CLXN: variants seen among roughly 807,000 people sequenced by gnomAD.
CLXN encodes calaxin.
At chr8:48,726,253 C>A in the CLXN span, among the ~76,000 whole-genome samples, 3 of 145,772 alleles carry the variant, frequency 2.1e-5, no homozygotes, top group Admixed American at 6.7e-5. Flanking sequence ...TCCATCCAAC[C>A]ATCCATCATC....
At chr8:48,726,153 TCCAC>T in the CLXN span, among the ~76,000 whole-genome samples, 58 of 58,062 alleles carry the variant, frequency 1.0e-3, no homozygotes, top group Non-Finnish European at 8.5e-4. Flanking sequence ...CATCCATCCA[TCCAC>T]CCACCCACCC....
chr8:48,719,709 GT>G, the CLXN span, among the ~76,000 whole-genome samples: 2 of 152,122 alleles, frequency 1.3e-5, no homozygotes, highest in Non-Finnish European at 2.9e-5. Flanking sequence ...ATTTAACAAA[GT>G]TCACCAACCA....
the CLXN span, chr8:48,730,792 A>G: frequency 2.1e-6 from 1 of 467,966 alleles, no homozygotes; most frequent in East Asian, 3.4e-5. Context: ...GGAAACTAAG[A>G]CATCATAATA....
the CLXN span, chr8:48,716,590 C>T: frequency 3.3e-5 from 5 of 152,184 alleles, no homozygotes; most frequent in Non-Finnish European, 5.9e-5. Flanking sequence ...GTGAACAAAA[C>T]TAGAAGTTCA....
the CLXN span, among the ~76,000 whole-genome samples, chr8:48,719,753 A>C: frequency 6.6e-6 from 1 of 152,198 alleles, no homozygotes; most frequent in South Asian, 2.1e-4. Context: ...AAATAAGTAC[A>C]CTAGGAACTT....
the CLXN span, among the ~76,000 whole-genome samples, chr8:48,721,434 C>T: frequency 2.6e-5 from 4 of 152,130 alleles, no homozygotes; most frequent in South Asian, 6.2e-4. Context: ...CAATGGCATT[C>T]TTCACAGAAA....
At chr8:48,727,214 TCA>T in the CLXN span, among the ~76,000 whole-genome samples, 5 of 111,364 alleles carry the variant, frequency 4.5e-5, no homozygotes, top group South Asian at 1.8e-3. Context: ...ATCTATCCAC[TCA>T]TCCATCCATC....
At chr8:48,722,058 T>C in the CLXN span, among the ~76,000 whole-genome samples, 524 of 152,226 alleles carry the variant, frequency 3.4e-3, 4 homozygotes, top group Non-Finnish European at 6.1e-3. Flanking sequence ...GTCTAAAATA[T>C]ATAAGGAATA....
chr8:48,724,633 C>T, the CLXN span: 2 of 829,570 alleles, frequency 2.4e-6, no homozygotes, highest in Non-Finnish European at 3.7e-6. Context: ...CTCATCTTCA[C>T]CCTGAAACAC....
chr8:48,717,997 T>TATAATCTA, the CLXN span, among the ~76,000 whole-genome samples: 1 of 152,202 alleles, frequency 6.6e-6, no homozygotes, highest in Non-Finnish European at 1.5e-5. Context: ...TAATGGTTGC[T>TATAATCTA]TTAAATGATT....
At chr8:48,713,469 A>T in the CLXN span, among the ~76,000 whole-genome samples, 1 of 152,208 alleles carries the variant, frequency 6.6e-6, no homozygotes, top group Non-Finnish European at 1.5e-5. Context: ...GCTACAGAGC[A>T]GCTCAAAGGA....
chr8:48,730,618 C>G, the CLXN span: 2 of 1,611,148 alleles, frequency 1.2e-6, no homozygotes, highest in Non-Finnish European at 1.7e-6. Context: ...ACACAGCCAT[C>G]ATTATCTTTA....
At chr8:48,721,281 A>T in the CLXN span, among the ~76,000 whole-genome samples, 1 of 152,164 alleles carries the variant, frequency 6.6e-6, no homozygotes, top group South Asian at 2.1e-4. Flanking sequence ...TGAAAATTAT[A>T]AAGGCAATGA....
chr8:48,733,013 G>A, the CLXN span, among the ~76,000 whole-genome samples: 1 of 152,206 alleles, frequency 6.6e-6, no homozygotes, highest in Non-Finnish European at 1.5e-5. Flanking sequence ...AGTTACGGAG[G>A]TGGATGGTGG....
the CLXN span, chr8:48,729,065 C>A: frequency 1.2e-6 from 2 of 1,612,358 alleles, no homozygotes; most frequent in South Asian, 1.1e-5. Context: ...AGACATGGCC[C>A]AAAGGCCTCC....
chr8:48,735,279 G>T, the CLXN span: 1 of 1,090,780 alleles, frequency 9.2e-7, no homozygotes, highest in Non-Finnish European at 1.4e-6. Flanking sequence ...GATCTCGTGC[G>T]CGGCCCTAAC....
At chr8:48,731,334 T>A in the CLXN span, 3 of 1,586,690 alleles carry the variant, frequency 1.9e-6, no homozygotes, top group East Asian at 6.9e-5. Context: ...ATTTGAATCT[T>A]GTGTGTCTCT....
At chr8:48,726,453 C>T in the CLXN span, among the ~76,000 whole-genome samples, 2 of 147,010 alleles carry the variant, frequency 1.4e-5, no homozygotes, top group East Asian at 4.2e-4. Flanking sequence ...CACCCACCTA[C>T]CTCACCCATC....
At chr8:48,725,414 T>A in the CLXN span, among the ~76,000 whole-genome samples, 1 of 152,208 alleles carries the variant, frequency 6.6e-6, no homozygotes, top group East Asian at 1.9e-4. Context: ...ACAGAAGTAA[T>A]AAGTGTGAAA....
Sources: allele counts gnomAD v4.1 joint callset (sites outside exome capture counted in the v4.1 genomes callset), GRCh38; gene constraint gnomAD v4.1.1; transcripts MANE v1.5; gene names NCBI Gene and HGNC (gene_info 2026-07-23, HGNC 2026-07-21).